USH2A: variants seen among roughly 807,000 people sequenced by gnomAD.
USH2A encodes the protein usherin.
In USH2A, 443 loss-of-function variants were observed where a neutral mutation model predicts 538.9. That is an observed-to-expected ratio of 0.82 (90% CI 0.76 to 0.89). USH2A has a LOEUF of 0.89. USH2A is among the 40% of genes least tolerant of loss of function. USH2A has a pLI of 0.00. For synonymous variants in USH2A, 2,413 were observed against 2,273.5 expected (o/e 1.06, Z -1.75); for missense variants, 6,633 against 6,324.8 (o/e 1.05, Z -1.65).
rs1424168411 is a variant in USH2A at position 216,198,182 on chromosome 1, A to G, written c.4081+133T>C. 1.6e-5 allele frequency: 21 copies of G among 1,334,526 alleles called. No homozygotes were observed. The Admixed American group carries it at 4.3e-4, about 27-fold the overall frequency. 82.7% of individuals were successfully genotyped at this position (1,334,526 alleles called of 1,614,324 possible). On this transcript the variant is annotated intron_variant, in intron 18 of 71. Coordinates refer to ENST00000307340, the MANE Select transcript of USH2A (RefSeq NM_206933.4). ...TTATGTAACAAATCCATATATATGA[A>G]AATTTTCCTTGGTCTATGGAAGTTT... is the stretch of plus-strand genomic sequence containing the variant.
intron 34 of USH2A, among the ~76,000 whole-genome samples, chr1:215,997,313 A>G (rs1668163780): frequency 1.3e-5 from 2 of 152,112 alleles, no homozygotes; most frequent in Non-Finnish European, 2.9e-5. Context: ...TCTTGCATCA[A>G]CACTATTCAG....
chr1:216,012,519 A>G (rs981627777), intron 32 of USH2A, among the ~76,000 whole-genome samples: 2 of 152,118 alleles, frequency 1.3e-5, no homozygotes, highest in Non-Finnish European at 2.9e-5. Flanking sequence ...CTTCTGTCAG[A>G]CATAATTCCT....
At chr1:215,648,110 T>C (rs1284128084) in intron 66 of USH2A, among the ~76,000 whole-genome samples, 4 of 152,246 alleles carry the variant, frequency 2.6e-5, no homozygotes, top group Non-Finnish European at 4.4e-5. Flanking sequence ...TTCTTTTTCC[T>C]TTCAAACAGT....
chr1:215,858,361 A>G (rs6682530), intron 44 of USH2A, among the ~76,000 whole-genome samples: 18,819 of 151,444 alleles, frequency 0.12, 1,229 homozygotes, highest in East Asian at 0.18. Context: ...TGTCAAGGGC[A>G]GGACCTGGTG....
At chr1:216,275,732 T>C (rs1379036653) in intron 11 of USH2A, among the ~76,000 whole-genome samples, 2 of 152,274 alleles carry the variant, frequency 1.3e-5, no homozygotes, top group Non-Finnish European at 1.5e-5. Flanking sequence ...GGGAGGTACA[T>C]TAAGTCTCTA....
chr1:216,074,086 C>T (rs2031664496), intron 27 of USH2A, among the ~76,000 whole-genome samples: 2 of 152,238 alleles, frequency 1.3e-5, no homozygotes, highest in African/African-American at 4.8e-5. Context: ...TGCGCAGTAC[C>T]ATTCTGTGAA....
chr1:216,056,539 G>A (rs917155934), intron 30 of USH2A, among the ~76,000 whole-genome samples: 4 of 152,054 alleles, frequency 2.6e-5, no homozygotes, highest in Admixed American at 2.0e-4. Flanking sequence ...CTAAGCTCCA[G>A]TTCCACAAAC....
chr1:216,228,565 G>A (rs1467996079), intron 14 of USH2A, among the ~76,000 whole-genome samples: 1 of 152,070 alleles, frequency 6.6e-6, no homozygotes, highest in Non-Finnish European at 1.5e-5. Context: ...TTTAAAAAGG[G>A]GAGTTTCCCT....
chr1:216,209,902 C>T (rs1412232424), intron 15 of USH2A, among the ~76,000 whole-genome samples: 1 of 152,144 alleles, frequency 6.6e-6, no homozygotes, highest in Non-Finnish European at 1.5e-5. Context: ...TCTGCTTCTA[C>T]CTGTTCCTTT....
rs869080030 is a variant in USH2A, at chr1:215,917,780, CAAAAAAAAAAA to C, written c.7300+16825_7300+16835del. Among the ~76,000 whole-genome samples, 45 of 89,616 alleles carry C rather than the reference CAAAAAAAAAAA, an allele frequency of 5.0e-4. No individual in the cohort carries two copies. The South Asian group carries it at 5.5e-3, about 11-fold the overall frequency. 58.8% of individuals were successfully genotyped at this position (89,616 alleles called of 152,430 possible). On this transcript the variant is annotated intron_variant, in intron 38 of 71. Transcript: ENST00000307340. ...GTAACATAGTGAAACCCTATCACTACAAAAAAAAAAAAAAAAAAAAAAAAAATACAAAATTA... is the reference window on the plus strand; with the variant it reads ...GTAACATAGTGAAACCCTATCACTACAAAAAAAAAAAAAAATACAAAATTA...
At chr1:216,147,415 T>G (rs552864071) in intron 21 of USH2A, among the ~76,000 whole-genome samples, 1 of 152,158 alleles carries the variant, frequency 6.6e-6, no homozygotes, top group Non-Finnish European at 1.5e-5. Context: ...TAGTCAAGGT[T>G]AATGCTCCTT....
chr1:216,038,478 C>CT (rs1184285455), intron 32 of USH2A, among the ~76,000 whole-genome samples: 1 of 138,148 alleles, frequency 7.2e-6, no homozygotes, highest in African/African-American at 2.8e-5. Context: ...TTTCCATAAG[C>CT]TTTTTGAAGA....
At chr1:216,336,999 A>C (rs2102672918) in intron 4 of USH2A, among the ~76,000 whole-genome samples, 1 of 151,642 alleles carries the variant, frequency 6.6e-6, no homozygotes, top group South Asian at 2.1e-4. Context: ...AAGTTGAAAG[A>C]GCTGAATAGT....
intron 38 of USH2A, 40 bp from the exon 39 acceptor site, chr1:215,900,945 T>G: frequency 1.2e-6 from 2 of 1,612,138 alleles, no homozygotes; most frequent in Non-Finnish European, 1.7e-6. Context: ...GAGAAAACTG[T>G]GGAGAACATA....
chr1:215,789,000 T>C (rs1381532956), intron 51 of USH2A, among the ~76,000 whole-genome samples: 1 of 152,074 alleles, frequency 6.6e-6, no homozygotes, highest in African/African-American at 2.4e-5. Flanking sequence ...CCTGAATTGA[T>C]AGCTTAGGGA....
intron 38 of USH2A, among the ~76,000 whole-genome samples, chr1:215,933,716 A>C (rs997992251): frequency 3.9e-5 from 6 of 151,934 alleles, no homozygotes; most frequent in African/African-American, 1.4e-4. Context: ...ATTGCTGATA[A>C]AAGATTGTGA....
At chr1:215,781,148 C>T (rs1661623592) in intron 54 of USH2A, among the ~76,000 whole-genome samples, 1 of 151,740 alleles carries the variant, frequency 6.6e-6, no homozygotes. Flanking sequence ...ATTTGTTTCT[C>T]TCTATTCTCC....
intron 60 of USH2A, among the ~76,000 whole-genome samples, chr1:215,737,023 A>G (rs1379080775): frequency 6.6e-6 from 1 of 152,030 alleles, no homozygotes; most frequent in Non-Finnish European, 1.5e-5. Flanking sequence ...TTATTAGAGA[A>G]TTGCTGTGGT....
Position 215,782,796 on chromosome 1 carries a change from T to G in USH2A, c.10527A>C (p.Lys3509Asn), listed in dbSNP as rs1357946918. ...PQGVSPPTWT[K>N]IDNLEDTIVL... ...CAATTGTATCTTCAAGATTGTCTATTTTGGTCCACGTAGGGGGACTCACTC... is the reference window on the plus strand; with the variant it reads ...CAATTGTATCTTCAAGATTGTCTATGTTGGTCCACGTAGGGGGACTCACTC... Residue 3509 changes from lysine (K) to asparagine (N), a missense_variant, in exon 53 of 72, where the codon AAA becomes AAC. Transcript: ENST00000307340. The G allele has an allele frequency of 1.5e-5, 24 of 1,613,928 alleles. No individual in the cohort carries two copies. The highest frequency in any genetic ancestry group is 1.9e-5 in the Non-Finnish European group (23 of 1,179,944).
Sources: allele counts gnomAD v4.1 joint callset (sites outside exome capture counted in the v4.1 genomes callset), GRCh38; gene constraint gnomAD v4.1.1; transcripts MANE v1.5; gene names NCBI Gene and HGNC (gene_info 2026-07-23, HGNC 2026-07-21).